The following OR6C74 variants were observed in gnomAD, a reference collection of about 807,000 sequenced individuals.
OR6C74 encodes olfactory receptor family 6 subfamily C member 74.
For missense variants in OR6C74, 361 were observed against 362.9 expected, an observed-to-expected ratio of 0.99 and a Z score of 0.04; for synonymous variants, 142 against 134.2, an observed-to-expected ratio of 1.06 and a Z score of -0.40.
chr12:55,247,502 C>T lies in OR6C74; in HGVS notation c.215C>T (p.Thr72Ile). The change falls in exon 2 of 2, where the codon ACA becomes ATA. Residue 72 changes from threonine to isoleucine, a missense_variant. Thr to Ile is a moderately conservative substitution (Grantham distance 89). Transcript: ENST00000343399. ...TTCTCATTTTTAGAAGTCTCATTCACAACTGTCTACATTCCCAAATTTCTT... is the reference window on the plus strand; with the variant it reads ...TTCTCATTTTTAGAAGTCTCATTCATAACTGTCTACATTCCCAAATTTCTT... ...RNFSFLEVSF[T>I]TVYIPKFLVS... is the part of the protein sequence containing the mutation. 2 of 1,613,478 alleles carry T rather than the reference C, an allele frequency of 1.2e-6. No individual in the cohort carries two copies. The highest frequency in any genetic ancestry group is 1.1e-5 in the South Asian group (1 of 90,946).
rs1287411901 is a variant in OR6C74, at chr12:55,250,715, G to A, written c.*2489G>A. Among the ~76,000 whole-genome samples, 1 of 151,940 alleles carries A rather than the reference G, an allele frequency of 6.6e-6. No individual in the cohort carries two copies. The highest frequency in any genetic ancestry group is 1.5e-5 in the Non-Finnish European group (1 of 67,928). On this transcript the variant is annotated 3_prime_UTR_variant, in exon 2 of 2. Transcript: ENST00000343399. ...TTCTAATATTCATTTTTCTGGAAGT[G>A]AAAAGGAAAAAAATAACCAACTGTT...
Position 55,250,731 on chromosome 12 carries a change from A to G in OR6C74, c.*2505A>G, listed in dbSNP as rs1954306807. Reference sequence around the variant, plus strand: ...TCTGGAAGTGAAAAGGAAAAAAATAACCAACTGTTTTTCACCAGTATTAGG... The same window carrying G: ...TCTGGAAGTGAAAAGGAAAAAAATAGCCAACTGTTTTTCACCAGTATTAGG... On this transcript the variant is annotated 3_prime_UTR_variant, in exon 2 of 2. Transcript: ENST00000343399. 6.6e-6 allele frequency among the ~76,000 whole-genome samples: 1 copy of G among 152,122 alleles called. No homozygotes were observed. Among genetic ancestry groups the G allele is most frequent in the African/African-American group, 2.4e-5 (1 of 41,444 alleles).
In OR6C74 at chr12:55,255,690, TAACACAAGA is replaced by T. The variant is rs1222838904; in HGVS notation, c.*7466_*7474del. 2.0e-5 allele frequency among the ~76,000 whole-genome samples: 3 copies of T among 152,140 alleles called. No homozygotes were observed. The highest frequency in any genetic ancestry group is 7.2e-5 in the African/African-American group (3 of 41,426). On this transcript the variant is annotated 3_prime_UTR_variant, in exon 2 of 2. Transcript: ENST00000343399. The stretch of plus-strand genomic sequence containing the variant: ...CTGGAAACTATCATTCTCAGCAAAC[TAACACAAGA>T]ACAGAAAACCAAACACCGCATGTTC...
rs1954332024 is a variant in OR6C74 at position 55,254,682 on chromosome 12, A to C, written c.*6456A>C. On this transcript the variant is annotated 3_prime_UTR_variant, in exon 2 of 2. Transcript: ENST00000343399. The stretch of plus-strand genomic sequence containing the variant: ...TCCTCAATATGGATCTTACCATGTT[A>C]TAGCCTTATAGCATGTGCAGTACTT... Among the ~76,000 whole-genome samples, 1 of 147,470 alleles carries C rather than the reference A, an allele frequency of 6.8e-6. No individual in the cohort carries two copies. Among genetic ancestry groups the C allele is most frequent in the Non-Finnish European group, 1.5e-5 (1 of 67,920 alleles).
In OR6C74 at chr12:55,247,608, A is replaced by ATAGAAAAAATTCAGTTGCC; in HGVS notation, c.321_322insTAGAAAAAATTCAGTTGCC (p.Thr108Ter). Reference sequence around the variant, plus strand: ...TGTTTTTCACTATTCTCTTGGGGGCAACTGAATTTTTTCTTCTGGCTGCCA... The same window carrying ATAGAAAAAATTCAGTTGCC: ...TGTTTTTCACTATTCTCTTGGGGGCATAGAAAAAATTCAGTTGCCACTGAATTTTTTCTTCTGGCTGCCA... On this transcript the variant is annotated stop_gained and frameshift_variant, in exon 2 of 2. Coordinates refer to ENST00000343399, the MANE Select transcript of OR6C74 (RefSeq NM_001005490.2). LOFTEE classifies it low-confidence loss of function (END_TRUNC). 6.2e-7 allele frequency: 1 copy of ATAGAAAAAATTCAGTTGCC among 1,613,854 alleles called. No individual in the cohort carries two copies. Among genetic ancestry groups the ATAGAAAAAATTCAGTTGCC allele is most frequent in the Non-Finnish European group, 8.5e-7 (1 of 1,179,942 alleles).
rs1288503714 is a variant in OR6C74 at position 55,248,002 on chromosome 12, T to C, written c.715T>C (p.Cys239Arg). Residue 239 changes from cysteine (C) to arginine (R), a missense_variant, in exon 2 of 2, where the codon TGT (cysteine) becomes CGT (arginine). Cys to Arg is a radical substitution (Grantham distance 180). Coordinates refer to ENST00000343399, the MANE Select transcript of OR6C74 (RefSeq NM_001005490.2). ...SQQRKKAFST[C>R]SSHMVVVSIS... ...ACAGAGAAAAAAAGCATTTTCTACA[T>C]GTTCTTCCCACATGGTGGTCGTGTC... 2 of 1,613,998 alleles carry C rather than the reference T, an allele frequency of 1.2e-6. No individual in the cohort carries two copies. The highest frequency in any genetic ancestry group is 3.3e-5 in the Admixed American group (2 of 60,000).
chr12:55,253,485 C>T lies in OR6C74; in HGVS notation c.*5259C>T, dbSNP rs1592245913. Among the ~76,000 whole-genome samples the T allele has an allele frequency of 6.6e-6, 1 of 152,082 alleles. No homozygotes were observed. Among genetic ancestry groups the T allele is most frequent in the East Asian group, 1.9e-4 (1 of 5,178 alleles). ...GTGAGGGAGACCATATGGTTTTCCA[C>T]TTGGCCCTGAATATATGTGTTTTAA... is the stretch of plus-strand genomic sequence containing the variant. On this transcript the variant is annotated 3_prime_UTR_variant, in exon 2 of 2. Transcript: ENST00000343399.
At position 55,247,764 on chromosome 12, in the gene OR6C74, G is replaced by C; in HGVS notation, c.477G>C (p.Leu159=). 6.2e-7 allele frequency: 1 copy of C among 1,613,918 alleles called. No individual in the cohort carries two copies. Among genetic ancestry groups the C allele is most frequent in the East Asian group, 2.2e-5 (1 of 44,860 alleles). The stretch of plus-strand genomic sequence containing the variant: ...TCCTAATAATTTTTCCGCCACTCCT[G>C]ATGGGTCTCCAGCTTGATTTCTGTG... ...AGFLIIFPPL[L]MGLQLDFCAA... is the part of the protein sequence containing the mutation. Residue 159 remains leucine, a synonymous_variant, in exon 2 of 2, where the codon CTG becomes CTC. Coordinates refer to ENST00000343399, the MANE Select transcript of OR6C74 (RefSeq NM_001005490.2).
At position 55,247,673 on chromosome 12, in the gene OR6C74, A is replaced by G. The variant is rs149149792; in HGVS notation, c.386A>G (p.His129Arg). 440 of 1,613,900 alleles carry G rather than the reference A, an allele frequency of 2.7e-4. No individual in the cohort carries two copies. Among genetic ancestry groups the G allele is most frequent in the Non-Finnish European group, 3.6e-4 (424 of 1,179,984 alleles). ...ERYVAICKPL[H>R]YTTIMSSRVC... Reference sequence around the variant, plus strand: ...TATGTGGCCATCTGCAAACCCCTGCATTACACCACCATCATGAGCAGCAGA... The same window carrying G: ...TATGTGGCCATCTGCAAACCCCTGCGTTACACCACCATCATGAGCAGCAGA... Residue 129 changes from histidine to arginine, a missense_variant, in exon 2 of 2, where the codon CAT (histidine) becomes CGT (arginine). His to Arg is a conservative substitution (Grantham distance 29, BLOSUM62 0). Coordinates refer to ENST00000343399, the MANE Select transcript of OR6C74 (RefSeq NM_001005490.2).
At position 55,249,842 on chromosome 12, in the gene OR6C74, G is replaced by A. The variant is rs1954301310; in HGVS notation, c.*1616G>A. On this transcript the variant is annotated 3_prime_UTR_variant, in exon 2 of 2. Transcript: ENST00000343399. ...ACATATGTATACATGTGCCATGTTGGTGTGCTGCACCCATTAACTTGTCAT... is the reference window on the plus strand; with the variant it reads ...ACATATGTATACATGTGCCATGTTGATGTGCTGCACCCATTAACTTGTCAT... Among the ~76,000 whole-genome samples the A allele has an allele frequency of 6.6e-6, 1 of 151,900 alleles. No individual in the cohort carries two copies.
At position 55,254,743 on chromosome 12, in the gene OR6C74, A is replaced by T. The variant is rs1954332407; in HGVS notation, c.*6517A>T. Among the ~76,000 whole-genome samples the T allele has an allele frequency of 6.6e-6, 1 of 152,220 alleles. No individual in the cohort carries two copies. The highest frequency in any genetic ancestry group is 1.9e-4 in the East Asian group (1 of 5,182). ...TGCTTAGCACAGTGCTCTTTACCTT[A>T]TACATCTACTTTGAGAAAGCTCAGC... On this transcript the variant is annotated 3_prime_UTR_variant, in exon 2 of 2. Coordinates refer to ENST00000343399, the MANE Select transcript of OR6C74 (RefSeq NM_001005490.2).
At chr12:55,247,179 G>A in intron 1 of OR6C74, 100 bp from the exon 2 acceptor site, 1 of 616,312 alleles carries the variant, frequency 1.6e-6, no homozygotes, top group East Asian at 2.8e-5. Context: ...GAGGTCGGGT[G>A]TGGGTAGCAA....
At position 55,248,900 on chromosome 12, in the gene OR6C74, C is replaced by A. The variant is rs1954294210; in HGVS notation, c.*674C>A. On this transcript the variant is annotated 3_prime_UTR_variant, in exon 2 of 2. Coordinates refer to ENST00000343399, the MANE Select transcript of OR6C74 (RefSeq NM_001005490.2). ...ATGTTATTAAATTTATTAGTTCCAT[C>A]TTCAAAACTCTGTAAGACAGGTATT... Among the ~76,000 whole-genome samples the A allele has an allele frequency of 6.6e-6, 1 of 152,142 alleles. No homozygotes were observed. The highest frequency in any genetic ancestry group is 2.1e-4 in the South Asian group (1 of 4,832).
chr12:55,247,455 C>T lies in OR6C74; in HGVS notation c.168C>T (p.Pro56=), dbSNP rs368555197. 6 of 1,613,712 alleles carry T rather than the reference C, an allele frequency of 3.7e-6. No homozygotes were observed. In the African/African-American group the frequency reaches 8.0e-5, roughly 22 times the overall value. ...LTLLDLHLKT[P]MYFFLRNFSF... Reference sequence around the variant, plus strand: ...TACTGGATTTGCATCTCAAGACACCCATGTATTTCTTCCTCCGAAATTTCT... The same window carrying T: ...TACTGGATTTGCATCTCAAGACACCTATGTATTTCTTCCTCCGAAATTTCT... Residue 56 remains proline, a synonymous_variant, in exon 2 of 2, where the codon CCC becomes CCT. Coordinates refer to ENST00000343399, the MANE Select transcript of OR6C74 (RefSeq NM_001005490.2).
At position 55,252,988 on chromosome 12, in the gene OR6C74, G is replaced by C. The variant is rs1010760411; in HGVS notation, c.*4762G>C. Among the ~76,000 whole-genome samples the C allele has an allele frequency of 2.0e-5, 3 of 151,282 alleles. No homozygotes were observed. The highest frequency in any genetic ancestry group is 7.3e-5 in the African/African-American group (3 of 41,130). On this transcript the variant is annotated 3_prime_UTR_variant, in exon 2 of 2. Coordinates refer to ENST00000343399, the MANE Select transcript of OR6C74 (RefSeq NM_001005490.2). ...TCTCTTCTAACAACCCTTTAAAAAT[G>C]TAAAATACATCTCAGGATCTCAGGT...
In OR6C74 at chr12:55,250,097, G is replaced by T. The variant is rs1954303090; in HGVS notation, c.*1871G>T. On this transcript the variant is annotated 3_prime_UTR_variant, in exon 2 of 2. Coordinates refer to ENST00000343399, the MANE Select transcript of OR6C74 (RefSeq NM_001005490.2). ...TAGATAATAACGACACTCAAGAAAA[G>T]TTGACTCAAAATGTTTGGAATCTGA... Among the ~76,000 whole-genome samples, 1 of 152,088 alleles carries T rather than the reference G, an allele frequency of 6.6e-6. No individual in the cohort carries two copies. Among genetic ancestry groups the T allele is most frequent in the Admixed American group, 6.6e-5 (1 of 15,262 alleles).
In OR6C74 at chr12:55,253,050, T is replaced by C. The variant is rs1244594344; in HGVS notation, c.*4824T>C. Among the ~76,000 whole-genome samples the C allele has an allele frequency of 6.6e-6, 1 of 151,998 alleles. No individual in the cohort carries two copies. The highest frequency in any genetic ancestry group is 1.5e-5 in the Non-Finnish European group (1 of 67,944). ...CCAAAACAATCCTTGGCCTGTGGGC[T>C]ATGGTTTGCTGGCCTGTGGAATAAA... On this transcript the variant is annotated 3_prime_UTR_variant, in exon 2 of 2. Transcript: ENST00000343399.
rs1162019020 is a variant in OR6C74, at chr12:55,253,048, G to T, written c.*4822G>T. Among the ~76,000 whole-genome samples the T allele has an allele frequency of 6.6e-6, 1 of 151,814 alleles. No homozygotes were observed. Among genetic ancestry groups the T allele is most frequent in the Non-Finnish European group, 1.5e-5 (1 of 67,924 alleles). On this transcript the variant is annotated 3_prime_UTR_variant, in exon 2 of 2. Coordinates refer to ENST00000343399, the MANE Select transcript of OR6C74 (RefSeq NM_001005490.2). Reference sequence around the variant, plus strand: ...TACCAAAACAATCCTTGGCCTGTGGGCTATGGTTTGCTGGCCTGTGGAATA... The same window carrying T: ...TACCAAAACAATCCTTGGCCTGTGGTCTATGGTTTGCTGGCCTGTGGAATA...
In OR6C74 at chr12:55,247,747, A is replaced by G. The variant is rs1411982119; in HGVS notation, c.460A>G (p.Ile154Val). The G allele has an allele frequency of 6.2e-7, 1 of 1,613,636 alleles. No individual in the cohort carries two copies. Residue 154 changes from isoleucine to valine, a missense_variant, in exon 2 of 2, where the codon ATT becomes GTT. Ile to Val is a conservative substitution (Grantham distance 29). Transcript: ENST00000343399. ...TTCATGGATGGCTGGCTTCCTAATA[A>G]TTTTTCCGCCACTCCTGATGGGTCT... ...FASWMAGFLI[I>V]FPPLLMGLQL...
Sources: gnomAD v4.1 joint callset for allele counts (sites outside exome capture counted in the v4.1 genomes callset) on GRCh38, gnomAD v4.1.1 for gene constraint, MANE v1.5 for transcripts, NCBI Gene and HGNC (gene_info 2026-07-23, HGNC 2026-07-21) for gene names.